TCF4: variants seen among roughly 807,000 people sequenced by gnomAD.
The protein encoded by TCF4 is SL3-3 enhancer factor 2.
TCF4 carries 3 observed loss-of-function variants against 82.1 expected under a neutral mutation model. The observed-to-expected ratio is 0.04, with a 90% CI of 0.02 to 0.09. The LOEUF (loss-of-function observed/expected upper bound fraction) is 0.09. Ranked by LOEUF, TCF4 falls within the 10% of genes least tolerant of loss-of-function variation. TCF4 has a pLI of 1.00. For synonymous variants in TCF4, 276 were observed against 309.6 expected, an observed-to-expected ratio of 0.89 and a Z score of 1.14; for missense variants, 518 against 852.7, an observed-to-expected ratio of 0.61 and a Z score of 4.89.
At chr18:55,465,626 G>C (rs2095999519) in intron 3 of TCF4, among the ~76,000 whole-genome samples, 1 of 152,116 alleles carries the variant, frequency 6.6e-6, no homozygotes, top group Non-Finnish European at 1.5e-5. Context: ...AATCCAACAT[G>C]CTGGCCTATC....
intron 6 of TCF4, among the ~76,000 whole-genome samples, chr18:55,371,308 G>T (rs2089091275): frequency 6.6e-6 from 1 of 152,150 alleles, no homozygotes; most frequent in Admixed American, 6.5e-5. Context: ...GGATGAGGGG[G>T]CCATAGGGCC....
chr18:55,402,405 A>C (rs999408781), intron 6 of TCF4, among the ~76,000 whole-genome samples: 4 of 152,150 alleles, frequency 2.6e-5, no homozygotes, highest in Non-Finnish European at 5.9e-5. Context: ...TGGGCTGTTT[A>C]AAATAAAATT....
intron 6 of TCF4, among the ~76,000 whole-genome samples, chr18:55,360,374 G>A (rs1569180631): frequency 6.6e-6 from 1 of 152,026 alleles, no homozygotes; most frequent in South Asian, 2.1e-4. Flanking sequence ...TTAAAATTTT[G>A]GTGTGTTTCT....
At chr18:55,303,226 T>TAC (rs74180496) in intron 8 of TCF4, among the ~76,000 whole-genome samples, 45,582 of 135,670 alleles carry the variant, frequency 0.34, 7,379 homozygotes, top group Admixed American at 0.45. Context: ...TCCCAGTACG[T>TAC]ACACACACAC....
At position 55,224,251 on chromosome 18, in the gene TCF4, C is replaced by T. The variant is rs561591988; in HGVS notation, c.*3784G>A. The stretch of plus-strand genomic sequence containing the variant: ...CACAGTTCATATATTTTCACCATTA[C>T]ATATGTCTATAATACTTGAAATGAG... On this transcript the variant is annotated 3_prime_UTR_variant, in exon 20 of 20. Coordinates refer to ENST00000354452, the MANE Select transcript of TCF4 (RefSeq NM_001083962.2). 7 of 151,666 alleles carry T rather than the reference C, an allele frequency of 4.6e-5. No individual in the cohort carries two copies. The highest frequency in any genetic ancestry group is 1.0e-4 in the Non-Finnish European group (7 of 67,838). The allele number at this position is 151,666 out of a possible 1,614,324, so 9.4% of individuals were successfully genotyped here. A position where few individuals can be genotyped will look rare whatever the true frequency, so the allele number is the denominator to read the frequency against.
At chr18:55,515,592 A>G (rs2096873430) in intron 3 of TCF4, among the ~76,000 whole-genome samples, 1 of 152,200 alleles carries the variant, frequency 6.6e-6, no homozygotes, top group Non-Finnish European at 1.5e-5. Context: ...GTATAGAAGA[A>G]GGCTGTGTTC....
At chr18:55,370,597 C>T (rs1254759483) in intron 6 of TCF4, among the ~76,000 whole-genome samples, 4 of 152,032 alleles carry the variant, frequency 2.6e-5, no homozygotes, top group African/African-American at 4.8e-5. Flanking sequence ...CTCACCATGG[C>T]GATGTTTTTC....
chr18:55,465,149 G>C (rs1244917619), intron 3 of TCF4, among the ~76,000 whole-genome samples: 1 of 152,124 alleles, frequency 6.6e-6, no homozygotes, highest in Admixed American at 6.5e-5. Context: ...AACACCCTCT[G>C]ACAGAAGTGG....
chr18:55,476,557 C>T (rs528880426), intron 3 of TCF4, among the ~76,000 whole-genome samples: 2 of 151,798 alleles, frequency 1.3e-5, no homozygotes, highest in Non-Finnish European at 2.9e-5. Context: ...CTCGCTGCAA[C>T]CTCAACCTCC....
chr18:55,252,820 A>G (rs1279535050), intron 15 of TCF4, among the ~76,000 whole-genome samples: 1 of 152,192 alleles, frequency 6.6e-6, no homozygotes, highest in Non-Finnish European at 1.5e-5. Flanking sequence ...CTTTTAATAA[A>G]GCCAGATTTC....
At chr18:55,498,427 A>G (rs1458096272) in intron 3 of TCF4, among the ~76,000 whole-genome samples, 6 of 152,184 alleles carry the variant, frequency 3.9e-5, no homozygotes, top group African/African-American at 1.4e-4. Context: ...AACACCTGCC[A>G]GTGTCATGAC....
rs1236138469 is a variant in TCF4, at chr18:55,228,004, T to C, written c.*31A>G. 1.2e-4 allele frequency: 65 copies of C among 552,988 alleles called. No homozygotes were observed. Among genetic ancestry groups the C allele is most frequent in the Non-Finnish European group, 5.4e-5 (17 of 316,150 alleles). The allele number at this position is 552,988 out of a possible 1,614,324, so 34.3% of individuals were successfully genotyped here. On this transcript the variant is annotated 3_prime_UTR_variant, in exon 20 of 20. Transcript: ENST00000354452. Reference sequence around the variant, plus strand: ...GCTGTTAAGGAAGTGGTCTCTTGTTTTAATGAAGCAATGTGGCAACTTGGA... The same window carrying C: ...GCTGTTAAGGAAGTGGTCTCTTGTTCTAATGAAGCAATGTGGCAACTTGGA...
chr18:55,468,026 A>T (rs1435918775), intron 3 of TCF4, among the ~76,000 whole-genome samples: 1 of 152,208 alleles, frequency 6.6e-6, no homozygotes, highest in Non-Finnish European at 1.5e-5. Context: ...ACTCCCCAGT[A>T]AGAATGTCAC....
At chr18:55,348,804 T>C (rs772484170) in intron 8 of TCF4, among the ~76,000 whole-genome samples, 6 of 152,178 alleles carry the variant, frequency 3.9e-5, no homozygotes, top group Non-Finnish European at 7.4e-5. Flanking sequence ...GAGGGTATGA[T>C]AGCTTTAAGT....
intron 9 of TCF4, among the ~76,000 whole-genome samples, chr18:55,276,211 GTTTAA>G (rs1227692078): frequency 6.6e-6 from 1 of 152,066 alleles, no homozygotes; most frequent in African/African-American, 2.4e-5. Flanking sequence ...GATTGAAAAT[GTTTAA>G]TTTCATTTTT....
chr18:55,303,475 T>C (rs2069078097), intron 8 of TCF4, among the ~76,000 whole-genome samples: 1 of 152,156 alleles, frequency 6.6e-6, no homozygotes, highest in Non-Finnish European at 1.5e-5. Context: ...CAGTCGAATA[T>C]AAAAATCCAA....
At chr18:55,337,485 GA>G (rs2078902344) in intron 8 of TCF4, among the ~76,000 whole-genome samples, 1 of 152,212 alleles carries the variant, frequency 6.6e-6, no homozygotes, top group South Asian at 2.1e-4. Context: ...AATCTTGAGA[GA>G]GGCTAGAAAT....
chr18:55,360,502 A>C (rs529414533), intron 6 of TCF4, among the ~76,000 whole-genome samples: 4 of 152,206 alleles, frequency 2.6e-5, no homozygotes, highest in African/African-American at 4.8e-5. Context: ...CAATCTTCTA[A>C]CACTGAGGTC....
chr18:55,632,366 C>G (rs1163754170), intron 1 of TCF4, among the ~76,000 whole-genome samples: 2 of 152,126 alleles, frequency 1.3e-5, no homozygotes, highest in African/African-American at 4.8e-5. Flanking sequence ...TTTTTGTCTA[C>G]TAACATAACT....
Sources: allele counts gnomAD v4.1 joint callset (sites outside exome capture counted in the v4.1 genomes callset), GRCh38; gene constraint gnomAD v4.1.1; transcripts MANE v1.5; gene names NCBI Gene and HGNC (gene_info 2026-07-23, HGNC 2026-07-21).